Variants in TAFA1 observed in about 807,000 individuals in gnomAD.
TAFA1 encodes chemokine-like protein TAFA-1.
Under a neutral mutation model 18.5 loss-of-function variants are expected in TAFA1, and 4 were observed. The ratio of observed to expected loss-of-function variants is 0.22; its 90% confidence interval spans 0.11 to 0.49. The LOEUF (loss-of-function observed/expected upper bound fraction) is 0.49. Ranked by LOEUF, TAFA1 falls within the 20% of genes least tolerant of loss-of-function variation. TAFA1 has a pLI of 0.98. For missense variants in TAFA1, 147 were observed against 169.0 expected (o/e 0.87, Z 0.72); for synonymous variants, 56 against 55.2 (o/e 1.01, Z -0.06).
At chr3:68,049,803 A>G (rs2064443308) in intron 2 of TAFA1, among the ~76,000 whole-genome samples, 1 of 152,040 alleles carries the variant, frequency 6.6e-6, no homozygotes. Flanking sequence ...CAGGGAGAGA[A>G]CATTTTCTGC....
intron 2 of TAFA1, among the ~76,000 whole-genome samples, chr3:68,115,536 C>A (rs1432901210): frequency 1.3e-5 from 2 of 152,158 alleles, no homozygotes; most frequent in African/African-American, 2.4e-5. Context: ...TGACTATTCT[C>A]ACAGTCATTT....
chr3:68,452,599 A>G (rs1173281507), intron 3 of TAFA1, among the ~76,000 whole-genome samples: 1 of 151,810 alleles, frequency 6.6e-6, no homozygotes, highest in Non-Finnish European at 1.5e-5. Context: ...TCAGCCATGG[A>G]AAATGCCCTA....
chr3:68,536,615 T>G (rs5005702), intron 3 of TAFA1, among the ~76,000 whole-genome samples: 92,834 of 151,706 alleles, frequency 0.61, 31,166 homozygotes, highest in South Asian at 0.85. Context: ...AAATGACTGG[T>G]GCTTGTGTAG....
chr3:68,396,396 C>G (rs1365048795), intron 2 of TAFA1, among the ~76,000 whole-genome samples: 1 of 152,086 alleles, frequency 6.6e-6, no homozygotes, highest in African/African-American at 2.4e-5. Context: ...ACTACCTTTC[C>G]CAAGGTAGCT....
At chr3:68,179,835 A>AT (rs1365824452) in intron 2 of TAFA1, among the ~76,000 whole-genome samples, 1 of 151,852 alleles carries the variant, frequency 6.6e-6, no homozygotes, top group East Asian at 1.9e-4. Flanking sequence ...TGCTCCTGAA[A>AT]TTTGGGAGGA....
chr3:68,390,993 C>G (rs1270264916), intron 2 of TAFA1, among the ~76,000 whole-genome samples: 1 of 152,126 alleles, frequency 6.6e-6, no homozygotes, highest in African/African-American at 2.4e-5. Flanking sequence ...GGGAACAAAA[C>G]TGGACTGAGA....
intron 2 of TAFA1, among the ~76,000 whole-genome samples, chr3:68,340,752 G>T (rs890536480): frequency 6.6e-6 from 1 of 152,098 alleles, no homozygotes; most frequent in Non-Finnish European, 1.5e-5. Flanking sequence ...AGCATTGATA[G>T]GGTCACATGC....
intron 2 of TAFA1, among the ~76,000 whole-genome samples, chr3:68,196,023 A>T (rs1228823678): frequency 6.6e-6 from 1 of 151,740 alleles, no homozygotes; most frequent in African/African-American, 2.4e-5. Flanking sequence ...AGAGTTTTAG[A>T]GACAGCTGGG....
chr3:68,366,085 C>CAAAAAAA (rs35861602), intron 2 of TAFA1, among the ~76,000 whole-genome samples: 1 of 93,822 alleles, frequency 1.1e-5, no homozygotes, highest in Non-Finnish European at 2.1e-5. Context: ...GACTCCATCT[C>CAAAAAAA]AAAAAAAAAA....
chr3:68,364,821 C>T, intron 2 of TAFA1, among the ~76,000 whole-genome samples: 1 of 152,234 alleles, frequency 6.6e-6, no homozygotes, highest in African/African-American at 2.4e-5. Flanking sequence ...TTCCAACAAC[C>T]CTATGATATG....
At chr3:68,409,199 T>C (rs2070666979) in intron 2 of TAFA1, among the ~76,000 whole-genome samples, 1 of 152,112 alleles carries the variant, frequency 6.6e-6, no homozygotes, top group Admixed American at 6.5e-5. Flanking sequence ...CTATTCCAAT[T>C]TACACTCCCC....
chr3:68,516,055 T>G (rs2106739634), intron 3 of TAFA1, among the ~76,000 whole-genome samples: 2 of 152,366 alleles, frequency 1.3e-5, no homozygotes, highest in African/African-American at 4.8e-5. Flanking sequence ...TCTGTTCACA[T>G]GAGAGAGTAC....
chr3:68,420,442 A>G (rs2070932270), intron 3 of TAFA1, among the ~76,000 whole-genome samples: 2 of 151,792 alleles, frequency 1.3e-5, no homozygotes, highest in Admixed American at 1.3e-4. Context: ...CTTGTCTCAA[A>G]CTCCTGGGCT....
At position 68,461,238 on chromosome 3, in the gene TAFA1, C is replaced by T. The variant is rs574910976; in HGVS notation, c.259+43818C>T. On this transcript the variant is annotated intron_variant, in intron 3 of 4. Coordinates refer to ENST00000478136, the MANE Select transcript of TAFA1 (RefSeq NM_213609.4). ...GATAGGTTGCAAGGAGCCAAGATTG[C>T]GCCACTGCACTCCAGCCTTGGTGAT... 4.6e-4 allele frequency among the ~76,000 whole-genome samples: 70 copies of T among 151,604 alleles called. 1 individual carries two copies. The highest frequency in any genetic ancestry group is 1.5e-3 in the African/African-American group (63 of 41,308).
At chr3:68,082,202 C>T (rs535564925) in intron 2 of TAFA1, among the ~76,000 whole-genome samples, 21 of 152,118 alleles carry the variant, frequency 1.4e-4, no homozygotes, top group African/African-American at 3.4e-4. Flanking sequence ...CACTGAGCTG[C>T]GCCCACTGTC....
At chr3:68,377,678 A>G (rs985066579) in intron 2 of TAFA1, among the ~76,000 whole-genome samples, 1 of 152,208 alleles carries the variant, frequency 6.6e-6, no homozygotes, top group African/African-American at 2.4e-5. Flanking sequence ...AGGGCATGTC[A>G]GAGATCTTAG....
chr3:68,254,133 G>C (rs9838675), intron 2 of TAFA1, among the ~76,000 whole-genome samples: 1,984 of 111,026 alleles, frequency 0.018, 34 homozygotes, highest in African/African-American at 0.058. Flanking sequence ...ATGTATGTAT[G>C]TATCTATCTA....
chr3:68,429,971 A>T (rs1005449836), intron 3 of TAFA1, among the ~76,000 whole-genome samples: 1 of 151,890 alleles, frequency 6.6e-6, no homozygotes, highest in Non-Finnish European at 1.5e-5. Context: ...TTCATTCAGC[A>T]ATTATTTTTG....
chr3:68,190,382 T>C (rs1405583363), intron 2 of TAFA1, among the ~76,000 whole-genome samples: 1 of 151,870 alleles, frequency 6.6e-6, no homozygotes, highest in Non-Finnish European at 1.5e-5. Flanking sequence ...TTGAAAATGG[T>C]TCCACACACC....
Sources: gnomAD v4.1 joint callset for allele counts (sites outside exome capture counted in the v4.1 genomes callset) on GRCh38, gnomAD v4.1.1 for gene constraint, MANE v1.5 for transcripts, NCBI Gene and HGNC (gene_info 2026-07-23, HGNC 2026-07-21) for gene names.